Variants in SH3BGRL2 observed in about 807,000 individuals in gnomAD.
SH3BGRL2 encodes the protein SH3 domain binding glutamate rich protein like 2, also known as SH3 domain-binding glutamic acid-rich-like protein 2.
A neutral mutation model predicts 14.8 loss-of-function variants in SH3BGRL2; 21 were observed. That is an observed-to-expected ratio of 1.42 (90% CI 1.01 to 2.05). The LOEUF is 2.05. Among genes scored for constraint, SH3BGRL2 ranks in the 30% most tolerant of loss-of-function variants. SH3BGRL2 has a pLI of 0.00. For synonymous variants in SH3BGRL2, 50 were observed against 47.8 expected (o/e 1.05, Z -0.19); for missense variants, 147 against 130.8 (o/e 1.12, Z -0.61).
At chr6:79,546,262 G>A in the SH3BGRL2 span, among the ~76,000 whole-genome samples, 4 of 152,216 alleles carry the variant, frequency 2.6e-5, no homozygotes, top group South Asian at 8.3e-4. Context: ...ATACAAATAG[G>A]GGGGTAAAAA....
chr6:79,649,967 ACTCTCT>A (rs67263724), intron 1 of SH3BGRL2, among the ~76,000 whole-genome samples: 2 of 146,382 alleles, frequency 1.4e-5, no homozygotes, highest in Non-Finnish European at 1.5e-5. Context: ...GTTCTTATGT[ACTCTCT>A]CTCTCTCTCT....
At chr6:79,664,955 A>C (rs1457593688) in intron 1 of SH3BGRL2, among the ~76,000 whole-genome samples, 2 of 152,188 alleles carry the variant, frequency 1.3e-5, no homozygotes, top group African/African-American at 4.8e-5. Flanking sequence ...TAATCCCAGC[A>C]CTTTGGGAGG....
At chr6:79,566,088 A>G in the SH3BGRL2 span, among the ~76,000 whole-genome samples, 22 of 152,198 alleles carry the variant, frequency 1.4e-4, no homozygotes, top group African/African-American at 5.3e-4. Flanking sequence ...GATGGAGGGT[A>G]GAGGAGGGTG....
At chr6:79,562,605 C>G in the SH3BGRL2 span, among the ~76,000 whole-genome samples, 3 of 152,144 alleles carry the variant, frequency 2.0e-5, no homozygotes, top group Admixed American at 6.6e-5. Flanking sequence ...TAGAAACACA[C>G]ACACTGACCA....
the SH3BGRL2 span, among the ~76,000 whole-genome samples, chr6:79,578,008 T>C: frequency 6.6e-6 from 1 of 152,230 alleles, no homozygotes; most frequent in African/African-American, 2.4e-5. Context: ...CCATGGAGCC[T>C]TGCACACTGC....
chr6:79,568,531 A>C, the SH3BGRL2 span, among the ~76,000 whole-genome samples: 46 of 151,836 alleles, frequency 3.0e-4, no homozygotes, highest in East Asian at 8.9e-3. Flanking sequence ...AAAACCCAAC[A>C]AACATATTAT....
chr6:79,653,930 C>G (rs1769354890), intron 1 of SH3BGRL2, among the ~76,000 whole-genome samples: 1 of 152,086 alleles, frequency 6.6e-6, no homozygotes, highest in African/African-American at 2.4e-5. Flanking sequence ...AGGAAAGCCC[C>G]AAGTACTTTT....
At chr6:79,618,906 G>T in the SH3BGRL2 span, among the ~76,000 whole-genome samples, 1 of 8,354 alleles carries the variant, frequency 1.2e-4, no homozygotes, top group Non-Finnish European at 3.1e-4. Context: ...GACAGAGTGA[G>T]ACTCTGTCAA....
At chr6:79,697,860 T>C (rs1034212119) in intron 3 of SH3BGRL2, among the ~76,000 whole-genome samples, 6 of 152,222 alleles carry the variant, frequency 3.9e-5, no homozygotes, top group African/African-American at 1.4e-4. Context: ...GCGGGCATCA[T>C]TGTCTATGCA....
the SH3BGRL2 span, among the ~76,000 whole-genome samples, chr6:79,594,462 G>C: frequency 6.6e-6 from 1 of 152,122 alleles, no homozygotes; most frequent in South Asian, 2.1e-4. Flanking sequence ...ACTAAGGATA[G>C]GTACAAGTAA....
chr6:79,583,495 G>T, the SH3BGRL2 span, among the ~76,000 whole-genome samples: 1 of 152,180 alleles, frequency 6.6e-6, no homozygotes, highest in Non-Finnish European at 1.5e-5. Context: ...CATGGATGAA[G>T]CTGGAAACCA....
At chr6:79,695,005 A>G (rs1770303358) in intron 2 of SH3BGRL2, among the ~76,000 whole-genome samples, 1 of 152,112 alleles carries the variant, frequency 6.6e-6, no homozygotes. Context: ...TTCTTTTGGT[A>G]CTTAAGATAA....
the SH3BGRL2 span, among the ~76,000 whole-genome samples, chr6:79,575,905 G>A: frequency 2.0e-5 from 3 of 151,804 alleles, no homozygotes; most frequent in African/African-American, 7.3e-5. Context: ...TCCCTGTCTT[G>A]CATTTGCTTT....
At chr6:79,652,725 G>T (rs1769320693) in intron 1 of SH3BGRL2, among the ~76,000 whole-genome samples, 1 of 151,952 alleles carries the variant, frequency 6.6e-6, no homozygotes, top group Non-Finnish European at 1.5e-5. Context: ...TGGATATTTT[G>T]GGTTGGGGGT....
At chr6:79,633,584 C>G (rs1488014929) in intron 1 of SH3BGRL2, among the ~76,000 whole-genome samples, 1 of 152,164 alleles carries the variant, frequency 6.6e-6, no homozygotes, top group Non-Finnish European at 1.5e-5. Context: ...AAGACATACA[C>G]AGTTACCACA....
In SH3BGRL2 at chr6:79,699,685, T is replaced by G. The variant is rs1317970865; in HGVS notation, c.*176T>G. On this transcript the variant is annotated 3_prime_UTR_variant, in exon 4 of 4. Transcript: ENST00000369838. Reference sequence around the variant, plus strand: ...CTATAATGAGAATTGCATGATTGCTTTAAACCAAATCAGGTGGTGGATTTT... The same window carrying G: ...CTATAATGAGAATTGCATGATTGCTGTAAACCAAATCAGGTGGTGGATTTT... The G allele has an allele frequency of 2.3e-6, 2 of 873,946 alleles. No homozygotes were observed. Among genetic ancestry groups the G allele is most frequent in the East Asian group, 5.6e-5 (2 of 35,674 alleles). 54.1% of individuals were successfully genotyped at this position (873,946 alleles called of 1,614,324 possible).
At chr6:79,558,180 A>T in the SH3BGRL2 span, among the ~76,000 whole-genome samples, 1 of 152,326 alleles carries the variant, frequency 6.6e-6, no homozygotes, top group African/African-American at 2.4e-5. Flanking sequence ...ACAGATTAAG[A>T]GGATGTGTGC....
chr6:79,611,950 T>C, the SH3BGRL2 span, among the ~76,000 whole-genome samples: 1 of 152,160 alleles, frequency 6.6e-6, no homozygotes, highest in Non-Finnish European at 1.5e-5. Flanking sequence ...AATGGCTTGA[T>C]AAATACCAGC....
chr6:79,593,233 A>G, the SH3BGRL2 span, among the ~76,000 whole-genome samples: 2 of 152,186 alleles, frequency 1.3e-5, no homozygotes, highest in African/African-American at 4.8e-5. Flanking sequence ...TGACTTTTCC[A>G]ATTAAAATAG....
Sources: gnomAD v4.1 joint callset for allele counts (sites outside exome capture counted in the v4.1 genomes callset) on GRCh38, gnomAD v4.1.1 for gene constraint, MANE v1.5 for transcripts, NCBI Gene and HGNC (gene_info 2026-07-23, HGNC 2026-07-21) for gene names.